The following COL9A1 variants were observed in gnomAD, a reference collection of about 807,000 sequenced individuals.
COL9A1 encodes the protein collagen type IX alpha 1 chain.
In COL9A1, 104 loss-of-function variants were observed where a neutral mutation model predicts 142.6. The ratio of observed to expected loss-of-function variants is 0.73; its 90% CI spans 0.62 to 0.86. The LOEUF (loss-of-function observed/expected upper bound fraction) is 0.86, where lower values mean the gene tolerates loss of function less well. Among genes scored for constraint, COL9A1 ranks in the 40% least tolerant of loss-of-function variants. COL9A1 has a pLI of 0.00. For missense variants in COL9A1, 1,210 were observed against 1,176.6 expected (o/e 1.03, Z -0.42); for synonymous variants, 466 against 396.0 (o/e 1.18, Z -2.10).
At position 70,280,145 on chromosome 6, in the gene COL9A1, T is replaced by C. The variant is rs993201839; in HGVS notation, c.975+667A>G. ...CATATAAGTCAGCATTTGATGGAGA[T>C]GTGGGTAAACTGGAGAAAGCCTGCT... is the stretch of plus-strand genomic sequence containing the variant. On this transcript the variant is annotated intron_variant, in intron 10 of 37. Coordinates refer to ENST00000357250, the MANE Select transcript of COL9A1 (RefSeq NM_001851.6). 3 of 548,978 alleles carry C rather than the reference T, an allele frequency of 5.5e-6. No individual in the cohort carries two copies. In the African/African-American group the frequency reaches 5.7e-5, roughly 10 times the overall value. 34.0% of individuals were successfully genotyped at this position (548,978 alleles called of 1,614,324 possible).
chr6:70,302,624 G>T (rs955297896), intron 1 of COL9A1, among the ~76,000 whole-genome samples: 1 of 151,004 alleles, frequency 6.6e-6, no homozygotes, highest in Non-Finnish European at 1.5e-5. Context: ...TCACTGTTTT[G>T]GTACCTATTT....
intron 5 of COL9A1, among the ~76,000 whole-genome samples, chr6:70,289,725 A>C (rs1773587662): frequency 6.6e-6 from 1 of 152,196 alleles, no homozygotes; most frequent in African/African-American, 2.4e-5. Flanking sequence ...AAAACAACTT[A>C]ATAAGCAGAC....
At chr6:70,295,037 C>G (rs1243115157) in intron 4 of COL9A1, among the ~76,000 whole-genome samples, 1 of 152,130 alleles carries the variant, frequency 6.6e-6, no homozygotes, top group Non-Finnish European at 1.5e-5. Flanking sequence ...TTTAAAGTAG[C>G]ATGTTAAGAT....
intron 12 of COL9A1, among the ~76,000 whole-genome samples, chr6:70,273,018 G>C (rs1772509314): frequency 6.6e-6 from 1 of 152,044 alleles, no homozygotes; most frequent in Admixed American, 6.6e-5. Flanking sequence ...TTTCACTCCA[G>C]ACTGGCTTTT....
chr6:70,256,469 C>T (rs1026983710), intron 21 of COL9A1, among the ~76,000 whole-genome samples: 14 of 151,754 alleles, frequency 9.2e-5, no homozygotes, highest in Non-Finnish European at 4.4e-5. Flanking sequence ...AAAGTAGAAA[C>T]AAGATAGTTA....
rs13216129 is a variant in COL9A1, at chr6:70,239,376, A to G, written c.2080-90T>C. ...CTTTAAAAGTTATTGTGCTACTAAA[A>G]TACGGAAAACCATGAACAGATTAAC... On this transcript the variant is annotated intron_variant, in intron 32 of 37. Coordinates refer to ENST00000357250, the MANE Select transcript of COL9A1 (RefSeq NM_001851.6). The G allele has an allele frequency of 0.17, 158,839 of 925,262 alleles. 15,877 individuals carry two copies. The highest frequency in any genetic ancestry group is 0.21 in the Non-Finnish European group (119,632 of 564,774). 57.3% of individuals were successfully genotyped at this position (925,262 alleles called of 1,614,324 possible).
chr6:70,266,365 C>T (rs1385179629), intron 18 of COL9A1, among the ~76,000 whole-genome samples: 1 of 152,088 alleles, frequency 6.6e-6, no homozygotes, highest in Non-Finnish European at 1.5e-5. Flanking sequence ...TTACAAATGT[C>T]ATAAAATTTT....
intron 15 of COL9A1, among the ~76,000 whole-genome samples, chr6:70,269,958 T>A (rs957494340): frequency 6.6e-6 from 1 of 152,224 alleles, no homozygotes; most frequent in Non-Finnish European, 1.5e-5. Flanking sequence ...TACCTTCCAT[T>A]TAAACTCATA....
In COL9A1 at chr6:70,254,988, C is replaced by T. The variant is rs1427326341; in HGVS notation, c.1640G>A (p.Gly547Glu). ...TGLPGVDGRDGIPGMPGTKGE... is the reference protein window; with the variant it reads ...TGLPGVDGRDEIPGMPGTKGE... ...CTTTGTTCCAGGCATTCCAGGGATC[C>T]CATCACGGCCATCCACACCTGGCAA... Residue 547 changes from glycine (G) to glutamate (E), a missense_variant, in exon 24 of 38, where the codon GGG becomes GAG. Transcript: ENST00000357250. 1 of 1,614,140 alleles carries T rather than the reference C, an allele frequency of 6.2e-7. No homozygotes were observed. The highest frequency in any genetic ancestry group is 2.2e-5 in the East Asian group (1 of 44,884).
chr6:70,232,448 A>G (rs1769610945), intron 36 of COL9A1, 135 bp downstream of exon 36: 10 of 1,043,788 alleles, frequency 9.6e-6, no homozygotes, highest in South Asian at 7.9e-5. Flanking sequence ...CACCGTCACT[A>G]TTGAAAAGAG....
chr6:70,260,811 C>T, intron 19 of COL9A1, 101 bp from the exon 20 acceptor site: 2 of 1,054,448 alleles, frequency 1.9e-6, no homozygotes, highest in Non-Finnish European at 2.9e-6. Flanking sequence ...TTATCATAAC[C>T]AAAGGTAATA....
intron 10 of COL9A1, among the ~76,000 whole-genome samples, chr6:70,277,689 C>T (rs901132057): frequency 1.1e-4 from 17 of 152,226 alleles, no homozygotes; most frequent in Non-Finnish European, 2.9e-5. Flanking sequence ...AGCATGACTG[C>T]TATGACTCAT....
At chr6:70,246,697 A>G (rs1272113824) in intron 28 of COL9A1, among the ~76,000 whole-genome samples, 2 of 152,202 alleles carry the variant, frequency 1.3e-5, no homozygotes, top group Non-Finnish European at 2.9e-5. Context: ...AATTTTAAAT[A>G]ATTTGCTAGA....
Sources: allele counts gnomAD v4.1 joint callset (sites outside exome capture counted in the v4.1 genomes callset), GRCh38; gene constraint gnomAD v4.1.1; transcripts MANE v1.5; gene names NCBI Gene and HGNC (gene_info 2026-07-23, HGNC 2026-07-21).